GPR17: variants seen among roughly 807,000 people sequenced by gnomAD.
GPR17 encodes the protein G protein-coupled receptor 17, also known as uracil nucleotide/cysteinyl leukotriene receptor.
Under a neutral mutation model 1.5 loss-of-function variants are expected in GPR17, and 4 were observed. That is an observed-to-expected ratio of 2.73 (90% CI 1.35 to 6.25). The LOEUF (loss-of-function observed/expected upper bound fraction) is 6.25, where lower values mean the gene tolerates loss of function less well. Ranked by LOEUF, GPR17 falls within the 30% of genes most tolerant of loss-of-function variation. The pLI is 0.00. For synonymous variants in GPR17, 209 were observed against 207.6 expected (o/e 1.01, Z -0.06); for missense variants, 463 against 462.1 (o/e 1.00, Z -0.02).
In GPR17 at chr2:127,651,384, C is replaced by T. The variant is rs373144637; in HGVS notation, c.649C>T (p.Arg217Cys). ...GGTCACCTGCTACCTGCTGATCATC[C>T]GCAGCCTGCGGCAGGGCCTGCGTGT... ...TTVTCYLLIIRSLRQGLRVEK... is the reference protein window; with the variant it reads ...TTVTCYLLIICSLRQGLRVEK... Residue 217 changes from arginine (R) to cysteine (C), a missense_variant, in exon 2 of 2, where the codon CGC (arginine) becomes TGC (cysteine). Arg to Cys is a radical substitution (Grantham distance 180). Coordinates refer to ENST00000486700, the MANE Select transcript of GPR17 (RefSeq NM_001161417.2). 65 of 1,612,634 alleles carry T rather than the reference C, an allele frequency of 4.0e-5. No homozygotes were observed. The highest frequency in any genetic ancestry group is 4.9e-5 in the Non-Finnish European group (58 of 1,180,050).
At chr2:127,648,032 C>A in intron 1 of GPR17, 1 of 985,834 alleles carries the variant, frequency 1.0e-6, no homozygotes, top group Non-Finnish European at 1.2e-6. Context: ...CCAAGCATCA[C>A]TCACCCCGCC....
At chr2:127,650,004 C>A in intron 1 of GPR17, 1 of 1,606,220 alleles carries the variant, frequency 6.2e-7, no homozygotes, top group Non-Finnish European at 8.5e-7. Flanking sequence ...GTCTCCCCAC[C>A]TGTCAGGATG....
At position 127,651,413 on chromosome 2, in the gene GPR17, G is replaced by A. The variant is rs753371852; in HGVS notation, c.678G>A (p.Glu226=). ...IRSLRQGLRV[E]KRLKTKAVRM... ...GCCTGCGGCAGGGCCTGCGTGTGGA[G>A]AAGCGCCTCAAGACCAAGGCAGTGC... The change falls in exon 2 of 2, where the codon GAG becomes GAA. Residue 226 remains glutamate (E), a synonymous_variant. Transcript: ENST00000486700. 8 of 1,612,898 alleles carry A rather than the reference G, an allele frequency of 5.0e-6. No homozygotes were observed. In the Admixed American group the frequency reaches 1.2e-4, roughly 24 times the overall value.
At chr2:127,650,614 G>A (rs776868707) in intron 1 of GPR17, 102 bp from the exon 2 acceptor site, 11 of 780,370 alleles carry the variant, frequency 1.4e-5, no homozygotes, top group Non-Finnish European at 1.9e-5. Context: ...GCTTGAAAGT[G>A]GGAGGTTCTG....
chr2:127,650,235 C>A (rs372721167), intron 1 of GPR17, among the ~76,000 whole-genome samples: 1 of 152,124 alleles, frequency 6.6e-6, no homozygotes, highest in East Asian at 1.9e-4. Context: ...AGGGAGGGTC[C>A]AGGCACTCAG....
At position 127,651,045 on chromosome 2, in the gene GPR17, T is replaced by G. The variant is rs763087818; in HGVS notation, c.310T>G (p.Cys104Gly). 1 of 1,613,670 alleles carries G rather than the reference T, an allele frequency of 6.2e-7. No individual in the cohort carries two copies. Among genetic ancestry groups the G allele is most frequent in the Non-Finnish European group, 8.5e-7 (1 of 1,180,040 alleles). The part of the protein sequence containing the change: ...GNHWPFGEIA[C>G]RLTGFLFYLN... ...CCACTGGCCATTTGGGGAAATCGCA[T>G]GCCGTCTCACCGGCTTCCTCTTCTA... Residue 104 changes from cysteine (C) to glycine (G), a missense_variant, in exon 2 of 2, where the codon TGC becomes GGC. Transcript: ENST00000486700.
At chr2:127,649,169 A>AAGGT (rs1683410947) in intron 1 of GPR17, among the ~76,000 whole-genome samples, 1 of 85,162 alleles carries the variant, frequency 1.2e-5, no homozygotes, top group African/African-American at 6.6e-5. Flanking sequence ...GGAAGGTAGG[A>AAGGT]AGGAAGGAAG....
chr2:127,651,280 T>C lies in GPR17; in HGVS notation c.545T>C (p.Leu182Pro). The change falls in exon 2 of 2, where the codon CTG becomes CCG. Residue 182 changes from leucine to proline, a missense_variant. By Grantham distance (98) the Leu-to-Pro change is moderately conservative (BLOSUM62 -3). Transcript: ENST00000486700. ...CAGACCAACCACACGGTGGTCTGCC[T>C]GCAGCTGTACCGGGAGAAGGCCTCC... is the stretch of plus-strand genomic sequence containing the variant. The part of the protein sequence containing the change: ...TVQTNHTVVC[L>P]QLYREKASHH... 1.2e-6 allele frequency: 2 copies of C among 1,607,290 alleles called. No individual in the cohort carries two copies. The highest frequency in any genetic ancestry group is 1.7e-6 in the Non-Finnish European group (2 of 1,179,780).
Position 127,651,784 on chromosome 2 carries a change from G to A in GPR17, c.*29G>A, listed in dbSNP as rs756905832. 6.3e-7 allele frequency: 1 copy of A among 1,586,458 alleles called. No individual in the cohort carries two copies. The highest frequency in any genetic ancestry group is 2.3e-5 in the East Asian group (1 of 44,402). On this transcript the variant is annotated 3_prime_UTR_variant, in exon 2 of 2. Transcript: ENST00000486700. ...GGGGGCGCCGTCCAGGCCGAGCGCA[G>A]ACTGTTTAGGACTCAGCAGACCCAG...
chr2:127,648,695 G>C (rs569788459), intron 1 of GPR17, among the ~76,000 whole-genome samples: 27 of 152,064 alleles, frequency 1.8e-4, no homozygotes, highest in Non-Finnish European at 3.5e-4. Context: ...GCCAAGGAGA[G>C]AGGATCACTT....
In GPR17 at chr2:127,650,829, ATGC is replaced by A; in HGVS notation, c.97_99del (p.Leu33del). On this transcript the variant is annotated inframe_deletion, in exon 2 of 2. Coordinates refer to ENST00000486700, the MANE Select transcript of GPR17 (RefSeq NM_001161417.2). The stretch of plus-strand genomic sequence containing the variant: ...TGGCCAGGAGACGCCACTGGAGAAC[ATGC>A]TGTTCGCCTCCTTCTACCTTCTGGA... 1 of 1,614,052 alleles carries A rather than the reference ATGC, an allele frequency of 6.2e-7. No individual in the cohort carries two copies. The highest frequency in any genetic ancestry group is 1.3e-5 in the African/African-American group (1 of 75,056).
Position 127,647,403 on chromosome 2 carries a change from T to C in GPR17, c.-21+1159T>C, listed in dbSNP as rs903926311. Among the ~76,000 whole-genome samples the C allele has an allele frequency of 2.0e-5, 3 of 152,098 alleles. No homozygotes were observed. The highest frequency in any genetic ancestry group is 4.4e-5 in the Non-Finnish European group (3 of 67,996). On this transcript the variant is annotated intron_variant, in intron 1 of 1. Transcript: ENST00000486700. The surrounding 1 kb of genome is among the most constrained non-coding windows in gnomAD (Gnocchi z 4.3). ...CCTGGTCAAGTGACCTAAGACAAGT[T>C]AGCAGACACTCAGCCTTGACTCCCT... is the stretch of plus-strand genomic sequence containing the variant.
rs181256672 is a variant in GPR17, at chr2:127,652,104, C to T, written c.*349C>T. On this transcript the variant is annotated 3_prime_UTR_variant, in exon 2 of 2. Coordinates refer to ENST00000486700, the MANE Select transcript of GPR17 (RefSeq NM_001161417.2). ...TCCTTCCCGCTACAGAATCGCTCAT[C>T]GGCGAGGCTCAGCAGAAAGACCCTG... is the stretch of plus-strand genomic sequence containing the variant. The T allele has an allele frequency of 3.6e-5, 11 of 303,320 alleles. No homozygotes were observed. The highest frequency in any genetic ancestry group is 1.9e-4 in the Admixed American group (4 of 21,024). 18.8% of individuals were successfully genotyped at this position (303,320 alleles called of 1,614,324 possible).
At position 127,647,652 on chromosome 2, in the gene GPR17, C is replaced by A. The variant is rs1055304194; in HGVS notation, c.-21+1408C>A. 6.6e-6 allele frequency among the ~76,000 whole-genome samples: 1 copy of A among 152,076 alleles called. No individual in the cohort carries two copies. Among genetic ancestry groups the A allele is most frequent in the Admixed American group, 6.5e-5 (1 of 15,286 alleles). ...AACAAGGGCCCCTCACTCACTGGGC[C>A]CCCTCTCCTCTTCCAGTCTCCAGGG... On this transcript the variant is annotated intron_variant, in intron 1 of 1. Coordinates refer to ENST00000486700, the MANE Select transcript of GPR17 (RefSeq NM_001161417.2). This position sits in a 1 kb window ranked among gnomAD's most constrained non-coding sequence, Gnocchi z 4.3.
At chr2:127,649,157 G>GAGGAAGGAAGGA (rs1469679192) in intron 1 of GPR17, among the ~76,000 whole-genome samples, 2 of 73,862 alleles carry the variant, frequency 2.7e-5, no homozygotes, top group African/African-American at 1.1e-4. Context: ...GTGAGAGAGA[G>GAGGAAGGAAGGA]AGGAAGGTAG....
chr2:127,652,144 A>C lies in GPR17; in HGVS notation c.*389A>C. The C allele has an allele frequency of 3.9e-6, 1 of 255,860 alleles. No homozygotes were observed. The highest frequency in any genetic ancestry group is 8.1e-6 in the Non-Finnish European group (1 of 123,478). The allele number at this position is 255,860 out of a possible 1,614,324, so 15.8% of individuals were successfully genotyped here. A position where few individuals can be genotyped will look rare whatever the true frequency, so the allele number is the denominator to read the frequency against. On this transcript the variant is annotated 3_prime_UTR_variant, in exon 2 of 2. Coordinates refer to ENST00000486700, the MANE Select transcript of GPR17 (RefSeq NM_001161417.2). Reference sequence around the variant, plus strand: ...GAAAGACCCTGAAGGCAGGCTGCAAATGACCCAGAAGAGGGACCTGGGAGT... The same window carrying C: ...GAAAGACCCTGAAGGCAGGCTGCAACTGACCCAGAAGAGGGACCTGGGAGT...
rs773762287 is a variant in GPR17, at chr2:127,651,698, C to T, written c.963C>T (p.Pro321=). 26 of 1,613,076 alleles carry T rather than the reference C, an allele frequency of 1.6e-5. No individual in the cohort carries two copies. In the Middle Eastern group the frequency reaches 6.6e-4, roughly 41 times the overall value. The change falls in exon 2 of 2, where the codon CCC becomes CCT. Residue 321 remains proline (P), a synonymous_variant. Transcript: ENST00000486700. ...GTGGCAAAAGGCTCAAGGGCCCGCC[C>T]CCCAGCTTCGAAGGGAAAACCAACG... ...LLCGKRLKGP[P]PSFEGKTNES... is the part of the protein sequence containing the mutation.
Position 127,651,548 on chromosome 2 carries a change from C to A in GPR17, c.813C>A (p.Thr271=), listed in dbSNP as rs575753414. ...HYRSHGASCA[T]QRILALANRI... The stretch of plus-strand genomic sequence containing the variant: ...GCAGCCATGGGGCCTCCTGCGCCAC[C>A]CAGCGCATCCTGGCCCTGGCAAACC... Residue 271 remains threonine (T), a synonymous_variant, in exon 2 of 2, where the codon ACC becomes ACA. Coordinates refer to ENST00000486700, the MANE Select transcript of GPR17 (RefSeq NM_001161417.2). The A allele has an allele frequency of 3.7e-5, 60 of 1,612,494 alleles. No individual in the cohort carries two copies. The highest frequency in any genetic ancestry group is 4.5e-5 in the Non-Finnish European group (53 of 1,180,042).
At position 127,651,763 on chromosome 2, in the gene GPR17, G is replaced by T. The variant is rs35201354; in HGVS notation, c.*8G>T. 2 of 1,608,872 alleles carry T rather than the reference G, an allele frequency of 1.2e-6. No homozygotes were observed. Among genetic ancestry groups the T allele is most frequent in the Non-Finnish European group, 1.7e-6 (2 of 1,177,118 alleles). The stretch of plus-strand genomic sequence containing the variant: ...GCCAAGTCAGAGCTGTGAGCGGGGG[G>T]CGCCGTCCAGGCCGAGCGCAGACTG... On this transcript the variant is annotated 3_prime_UTR_variant, in exon 2 of 2. Coordinates refer to ENST00000486700, the MANE Select transcript of GPR17 (RefSeq NM_001161417.2).
Sources: allele counts gnomAD v4.1 joint callset (sites outside exome capture counted in the v4.1 genomes callset), GRCh38; gene constraint gnomAD v4.1.1; non-coding constraint Gnocchi (gnomAD v3.1); transcripts MANE v1.5; gene names NCBI Gene and HGNC (gene_info 2026-07-23, HGNC 2026-07-21).